The following KNDC1 variants were observed in gnomAD, a reference collection of about 807,000 sequenced individuals.
The protein encoded by KNDC1 is kinase non-catalytic C-lobe domain containing 1.
A neutral mutation model predicts 172.8 loss-of-function variants in KNDC1; 106 were observed. The observed-to-expected ratio is 0.61, with a 90% CI of 0.52 to 0.72. KNDC1 has a LOEUF of 0.72. Ranked by LOEUF, KNDC1 falls within the 30% of genes least tolerant of loss-of-function variation. The pLI is 0.00. For synonymous variants in KNDC1, 1,083 were observed against 1,062.2 expected (o/e 1.02, Z -0.38); for missense variants, 2,325 against 2,394.5 (o/e 0.97, Z 0.61).
In KNDC1 at chr10:133,224,915, T is replaced by A; in HGVS notation, c.*25T>A. ...GCCGAGCTCGGGCCTGGTGTGGAATTCCAGATCCGAATCCGACTGTGGGGG... is the reference window on the plus strand; with the variant it reads ...GCCGAGCTCGGGCCTGGTGTGGAATACCAGATCCGAATCCGACTGTGGGGG... On this transcript the variant is annotated 3_prime_UTR_variant, in exon 30 of 30. Transcript: ENST00000304613. The surrounding 1 kb of genome is among the most constrained non-coding windows in gnomAD (Gnocchi z 5.4). The A allele has an allele frequency of 6.3e-7, 1 of 1,575,120 alleles. No homozygotes were observed. Among genetic ancestry groups the A allele is most frequent in the Non-Finnish European group, 8.7e-7 (1 of 1,146,960 alleles).
At chr10:133,161,898 C>T (rs1852984461) in intron 1 of KNDC1, among the ~76,000 whole-genome samples, 1 of 152,194 alleles carries the variant, frequency 6.6e-6, no homozygotes, top group Non-Finnish European at 1.5e-5. Flanking sequence ...AGGCAGCAGC[C>T]GGTGCCACGC....
In KNDC1 at chr10:133,206,684, G is replaced by A; in HGVS notation, c.3388-1G>A. 6.2e-7 allele frequency: 1 copy of A among 1,613,292 alleles called. No homozygotes were observed. Among genetic ancestry groups the A allele is most frequent in the Non-Finnish European group, 8.5e-7 (1 of 1,179,508 alleles). ...GCTTAGGCGCTGTGTTTCGTCCCCA[G>A]GAGCTGGAACAGCAGCTCATGATGG... is the stretch of plus-strand genomic sequence containing the variant. On this transcript the variant is annotated splice_acceptor_variant, in intron 17 of 29. Transcript: ENST00000304613. LOFTEE classifies it high-confidence loss of function.
chr10:133,213,949 C>T lies in KNDC1; in HGVS notation c.4527-23C>T, dbSNP rs1304606760. On this transcript the variant is annotated intron_variant, in intron 25 of 29. Transcript: ENST00000304613. ...GCCACTGCACAAGTCCTGGGGGTGA[C>T]AGGGACCATATTTCTCTTCCAGAGC... 2.5e-6 allele frequency: 4 copies of T among 1,613,740 alleles called. No individual in the cohort carries two copies. The African/African-American group carries it at 5.3e-5, about 22-fold the overall frequency.
At chr10:133,196,321 A>C (rs1183014745) in intron 10 of KNDC1, among the ~76,000 whole-genome samples, 1 of 150,164 alleles carries the variant, frequency 6.7e-6, no homozygotes, top group African/African-American at 2.5e-5. Flanking sequence ...TCCTGCTGGG[A>C]CCTGCACCCG....
Position 133,201,827 on chromosome 10 carries a change from G to T in KNDC1, c.3316G>T (p.Asp1106Tyr). 6.7e-7 allele frequency: 1 copy of T among 1,493,738 alleles called. No homozygotes were observed. The highest frequency in any genetic ancestry group is 1.4e-5 in the South Asian group (1 of 72,612). The allele number at this position is 1,493,738 out of a possible 1,614,324, so 92.5% of individuals were successfully genotyped here. The change falls in exon 17 of 30, where the codon GAC becomes TAC. Residue 1106 changes from aspartate to tyrosine, a missense_variant. By Grantham distance (160) the Asp-to-Tyr change is radical. Transcript: ENST00000304613. ...AFYEADCFGA[D>Y]VHNYVKDLGR... is the part of the protein sequence containing the mutation. ...CTACGAGGCCGACTGCTTCGGGGCC[G>T]ACGTCCACAACTACGTGAAGGACCT...
Position 133,214,038 on chromosome 10 carries a change from C to G in KNDC1, c.4593C>G (p.Asp1531Glu). 11 of 1,614,184 alleles carry G rather than the reference C, an allele frequency of 6.8e-6. No individual in the cohort carries two copies. Among genetic ancestry groups the G allele is most frequent in the Non-Finnish European group, 9.3e-6 (11 of 1,179,990 alleles). ...CSLFLPNYVQ[D>E]KYLLQLLRNA... Reference sequence around the variant, plus strand: ...TATTTCTGCCCAATTACGTTCAGGACAAGTATCTGTTACAGCTTCTAAGAA... The same window carrying G: ...TATTTCTGCCCAATTACGTTCAGGAGAAGTATCTGTTACAGCTTCTAAGAA... The change falls in exon 26 of 30, where the codon GAC becomes GAG. Residue 1531 changes from aspartate to glutamate, a missense_variant. Coordinates refer to ENST00000304613, the MANE Select transcript of KNDC1 (RefSeq NM_152643.8).
At position 133,186,185 on chromosome 10, in the gene KNDC1, C is replaced by T. The variant is rs774325509; in HGVS notation, c.837C>T (p.Ala279=). 69 of 1,572,102 alleles carry T rather than the reference C, an allele frequency of 4.4e-5. No individual in the cohort carries two copies. The African/African-American group carries it at 5.1e-4, about 12-fold the overall frequency. Residue 279 remains alanine, a synonymous_variant, in exon 6 of 30, where the codon GCC becomes GCT. Coordinates refer to ENST00000304613, the MANE Select transcript of KNDC1 (RefSeq NM_152643.8). The stretch of plus-strand genomic sequence containing the variant: ...AGAGCCACAGCCGGGAGGGGCTGGC[C>T]GGCCTCGTCCTGGATGCCGAGCGCA... ...NGESHSREGL[A]GLVLDAERTL...
intron 3 of KNDC1, among the ~76,000 whole-genome samples, chr10:133,181,771 C>T (rs1305550086): frequency 6.6e-6 from 1 of 151,502 alleles, no homozygotes; most frequent in Non-Finnish European, 1.5e-5. Context: ...TCTGTGTGTG[C>T]TGGGTGTGCA....
rs1845697093 is a variant in KNDC1 at position 133,225,245 on chromosome 10, C to T, written c.*355C>T. ...GCTCTTACCCAGCTCTCAGTGACTCCCCCACAAAACAGCAACAGCCTCCAC... is the reference window on the plus strand; with the variant it reads ...GCTCTTACCCAGCTCTCAGTGACTCTCCCACAAAACAGCAACAGCCTCCAC... On this transcript the variant is annotated 3_prime_UTR_variant, in exon 30 of 30. Transcript: ENST00000304613. 1 of 254,774 alleles carries T rather than the reference C, an allele frequency of 3.9e-6. No homozygotes were observed. Among genetic ancestry groups the T allele is most frequent in the Admixed American group, 5.2e-5 (1 of 19,248 alleles). 15.8% of individuals were successfully genotyped at this position (254,774 alleles called of 1,614,324 possible).
chr10:133,170,136 C>A (rs886528323), intron 3 of KNDC1, among the ~76,000 whole-genome samples: 1 of 152,238 alleles, frequency 6.6e-6, no homozygotes, highest in African/African-American at 2.4e-5. Flanking sequence ...ACATTTAAAT[C>A]CCCGCTTGTG....
intron 21 of KNDC1, 69 bp from the exon 22 acceptor site, chr10:133,211,353 T>G (rs1845358417): frequency 4.8e-6 from 7 of 1,469,818 alleles, no homozygotes; most frequent in Non-Finnish European, 6.4e-6. Flanking sequence ...GAGAGCCACA[T>G]GCAAGCCCCT....
Position 133,188,673 on chromosome 10 carries a change from A to AGGGG in KNDC1, c.1441+20_1441+21insGGGG. On this transcript the variant is annotated intron_variant, in intron 7 of 29. Coordinates refer to ENST00000304613, the MANE Select transcript of KNDC1 (RefSeq NM_152643.8). ...ACCCAGGTGACGCACGCACCATCCC[A>AGGGG]TCCCCCCCGCCGTCCCCACCCCCCA... is the stretch of plus-strand genomic sequence containing the variant. 1.5e-6 allele frequency: 2 copies of AGGGG among 1,300,572 alleles called. No homozygotes were observed. Among genetic ancestry groups the AGGGG allele is most frequent in the Non-Finnish European group, 2.0e-6 (2 of 979,226 alleles). The allele number at this position is 1,300,572 out of a possible 1,614,324, so 80.6% of individuals were successfully genotyped here.
intron 9 of KNDC1, among the ~76,000 whole-genome samples, chr10:133,191,137 G>C (rs181552966): frequency 5.9e-5 from 9 of 152,232 alleles, no homozygotes; most frequent in African/African-American, 2.2e-4. Context: ...CCAGGAGTTC[G>C]AGACCAGCCT....
At chr10:133,164,826 G>C (rs1046432524) in intron 1 of KNDC1, among the ~76,000 whole-genome samples, 1 of 152,172 alleles carries the variant, frequency 6.6e-6, no homozygotes, top group Non-Finnish European at 1.5e-5. Context: ...GTGGCGGGGG[G>C]AGCCCAAGGA....
intron 1 of KNDC1, among the ~76,000 whole-genome samples, chr10:133,164,454 C>T (rs1853081076): frequency 6.6e-6 from 1 of 152,200 alleles, no homozygotes; most frequent in Admixed American, 6.5e-5. Context: ...GTGGGGCCCT[C>T]GTGGGTGCTG....
At chr10:133,165,217 C>G (rs1243134567) in intron 1 of KNDC1, among the ~76,000 whole-genome samples, 1 of 152,232 alleles carries the variant, frequency 6.6e-6, no homozygotes, top group Non-Finnish European at 1.5e-5. Context: ...AGAGAATCTC[C>G]GACGGAATTC....
Position 133,184,225 on chromosome 10 carries a change from A to G in KNDC1, c.625+236A>G, listed in dbSNP as rs72859877. ...ACACCCATGCTGCACACACCCATGC[A>G]CACACACCCATGCGCACACACTGCA... On this transcript the variant is annotated intron_variant, in intron 5 of 29. Transcript: ENST00000304613. Among the ~76,000 whole-genome samples the G allele has an allele frequency of 2.5e-4, 15 of 59,868 alleles. No individual in the cohort carries two copies. In the South Asian group the frequency reaches 7.9e-3, roughly 32 times the overall value. The allele number at this position is 59,868 out of a possible 152,430, so 39.3% of individuals were successfully genotyped here. A position where few individuals can be genotyped will look rare whatever the true frequency, so the allele number is the denominator to read the frequency against.
In KNDC1 at chr10:133,201,856, G is replaced by A. The variant is rs960665742; in HGVS notation, c.3345G>A (p.Gly1115=). The A allele has an allele frequency of 2.7e-6, 4 of 1,478,292 alleles. No individual in the cohort carries two copies. The highest frequency in any genetic ancestry group is 1.4e-5 in the African/African-American group (1 of 70,966). 91.6% of individuals were successfully genotyped at this position (1,478,292 alleles called of 1,614,324 possible). Residue 1115 remains glycine (G), a synonymous_variant, in exon 17 of 30, where the codon GGG becomes GGA. Coordinates refer to ENST00000304613, the MANE Select transcript of KNDC1 (RefSeq NM_152643.8). ...TCCACAACTACGTGAAGGACCTGGG[G>A]CGGCAGCAGGCGGACGGGGCCCTGC... ...ADVHNYVKDL[G]RQQADGALPD...
At chr10:133,200,568 T>C (rs1026084630) in intron 16 of KNDC1, 108 bp downstream of exon 16, 3 of 868,392 alleles carry the variant, frequency 3.5e-6, no homozygotes, top group Non-Finnish European at 4.8e-6. Flanking sequence ...ACTGCACTGC[T>C]CCAGCGGGGC....
Sources: allele counts gnomAD v4.1 joint callset (sites outside exome capture counted in the v4.1 genomes callset), GRCh38; gene constraint gnomAD v4.1.1; non-coding constraint Gnocchi (gnomAD v3.1); transcripts MANE v1.5; gene names NCBI Gene and HGNC (gene_info 2026-07-23, HGNC 2026-07-21).